STK40: variants seen among roughly 807,000 people sequenced by gnomAD.
STK40 encodes the protein serine/threonine kinase 40, also known as serine/threonine-protein kinase 40.
A neutral mutation model predicts 47.9 loss-of-function variants in STK40; 13 were observed. The ratio of observed to expected loss-of-function variants is 0.27; its 90% confidence interval spans 0.18 to 0.43. The LOEUF (loss-of-function observed/expected upper bound fraction) is 0.43. Ranked by LOEUF, STK40 falls within the 20% of genes least tolerant of loss-of-function variation. The pLI is 1.00. For synonymous variants in STK40, 225 were observed against 243.2 expected, an observed-to-expected ratio of 0.93 and a Z score of 0.69; for missense variants, 460 against 595.1, an observed-to-expected ratio of 0.77 and a Z score of 2.36.
rs1327647824 is a variant in STK40 at position 36,358,655 on chromosome 1, G to C, written c.198+82C>G. ...CGCTACTCTTGTTCACAATGACGCA[G>C]GTGTGAAGGTGGAGGAGGGAGGAGT... On this transcript the variant is annotated intron_variant, in intron 3 of 10. Transcript: ENST00000373132. 47 of 1,439,936 alleles carry C rather than the reference G, an allele frequency of 3.3e-5. 1 individual carries two copies. Among genetic ancestry groups the C allele is most frequent in the Non-Finnish European group, 4.3e-5 (44 of 1,029,022 alleles). The allele number at this position is 1,439,936 out of a possible 1,614,324, so 89.2% of individuals were successfully genotyped here. A position where few individuals can be genotyped will look rare whatever the true frequency, so the allele number is the denominator to read the frequency against.
Position 36,344,134 on chromosome 1 carries a change from C to G in STK40, c.870G>C (p.Glu290Asp). ...QELFRKIKAAEYTIPEDGRVS... is the reference protein window; with the variant it reads ...QELFRKIKAADYTIPEDGRVS... ...GCAGGACTCACTCAGGAATGGTATA[C>G]TCGGCAGCCTTGATCTTGCGGAAGA... The change falls in exon 8 of 11, where the codon GAG becomes GAC. Residue 290 changes from glutamate (E) to aspartate (D), a missense_variant. Glu to Asp is a conservative substitution (Grantham distance 45). Transcript: ENST00000373132. The G allele has an allele frequency of 6.3e-7, 1 of 1,593,270 alleles. No individual in the cohort carries two copies. Among genetic ancestry groups the G allele is most frequent in the African/African-American group, 1.4e-5 (1 of 73,286 alleles).
At chr1:36,380,689 T>C (rs1647032008) in intron 1 of STK40, among the ~76,000 whole-genome samples, 1 of 152,196 alleles carries the variant, frequency 6.6e-6, no homozygotes. Flanking sequence ...CTTAGGGCTA[T>C]TGGAAGGCTG....
At position 36,355,338 on chromosome 1, in the gene STK40, A is replaced by G. The variant is rs145965967; in HGVS notation, c.438T>C (p.Ala146=). The G allele has an allele frequency of 2.5e-3, 4,015 of 1,614,178 alleles. 7 individuals are homozygous for G. Among genetic ancestry groups the G allele is most frequent in the Non-Finnish European group, 2.5e-3 (2,941 of 1,180,028 alleles). The change falls in exon 5 of 11, where the codon GCT becomes GCC. Residue 146 remains alanine, a synonymous_variant. Coordinates refer to ENST00000373132, the MANE Select transcript of STK40 (RefSeq NM_001282547.2). ...RICLVLDCLC[A]HDFSDKTADL... ...CAGCGGTCTTATCGCTGAAGTCATG[A>G]GCACAGAGGCAGTCCAGGACGAGGC...
At chr1:36,384,384 T>A (rs1392597347) in intron 1 of STK40, among the ~76,000 whole-genome samples, 1 of 152,270 alleles carries the variant, frequency 6.6e-6, no homozygotes, top group Non-Finnish European at 1.5e-5. Flanking sequence ...TCAATTTCCC[T>A]TAATTAGACT....
chr1:36,351,014 G>A (rs1646747471), intron 6 of STK40, among the ~76,000 whole-genome samples: 1 of 152,236 alleles, frequency 6.6e-6, no homozygotes, highest in African/African-American at 2.4e-5. Flanking sequence ...GGTCCTGACA[G>A]GAGGGGGCAA....
chr1:36,367,241 G>C (rs1447431962), intron 1 of STK40, among the ~76,000 whole-genome samples: 1 of 152,110 alleles, frequency 6.6e-6, no homozygotes, highest in East Asian at 1.9e-4. Context: ...GAGGGTGAGG[G>C]GAGGAGGCCA....
intron 1 of STK40, among the ~76,000 whole-genome samples, chr1:36,381,454 G>T (rs1647038482): frequency 6.6e-6 from 1 of 152,064 alleles, no homozygotes. Flanking sequence ...TAGACCCCCA[G>T]AAAACTCTAT....
chr1:36,379,260 A>G (rs970172893), intron 1 of STK40, among the ~76,000 whole-genome samples: 1 of 151,958 alleles, frequency 6.6e-6, no homozygotes, highest in Non-Finnish European at 1.5e-5. Context: ...CAGTTTTTCT[A>G]CCTCTGGTGC....
intron 6 of STK40, among the ~76,000 whole-genome samples, chr1:36,354,132 A>G (rs1389401882): frequency 1.3e-5 from 2 of 152,156 alleles, no homozygotes; most frequent in African/African-American, 4.8e-5. Flanking sequence ...ATAAATGGAC[A>G]AGGGAGATCT....
rs572595834 is a variant in STK40, at chr1:36,361,571, G to A, written c.-8-231C>T. Among the ~76,000 whole-genome samples the A allele has an allele frequency of 2.2e-4, 33 of 152,292 alleles. No individual in the cohort carries two copies. The South Asian group carries it at 6.4e-3, about 30-fold the overall frequency. On this transcript the variant is annotated intron_variant, in intron 1 of 10. Transcript: ENST00000373132. ...GACATCCTTTAAGGCAGCATATACA[G>A]GGTACAGAGGCGGGGAGCCAACACA...
At chr1:36,347,969 G>A (rs1434678019) in intron 7 of STK40, among the ~76,000 whole-genome samples, 1 of 152,170 alleles carries the variant, frequency 6.6e-6, no homozygotes, top group South Asian at 2.1e-4. Flanking sequence ...TATTTGTTTC[G>A]TGTATTATCT....
intron 2 of STK40, 86 bp downstream of exon 2, chr1:36,361,135 G>A: frequency 6.6e-7 from 1 of 1,525,618 alleles, no homozygotes; most frequent in Non-Finnish European, 9.0e-7. Context: ...ACCTCACTCT[G>A]ATGTCTGTAG....
rs746089027 is a variant in STK40 at position 36,377,532 on chromosome 1, C to CAAAAA, written c.-9+8186_-9+8190dup. On this transcript the variant is annotated intron_variant, in intron 1 of 10. Transcript: ENST00000373132. ...TGGGCAACAGAGTGAGACTCCGTCT[C>CAAAAA]AAAAAAAAAAAAAAAAAAAAAAAAA... Among the ~76,000 whole-genome samples the CAAAAA allele has an allele frequency of 5.1e-3, 180 of 35,468 alleles. 8 individuals are homozygous for CAAAAA. Among genetic ancestry groups the CAAAAA allele is most frequent in the African/African-American group, 0.014 (172 of 12,338 alleles). The allele number at this position is 35,468 out of a possible 152,430, so 23.3% of individuals were successfully genotyped here. A position where few individuals can be genotyped will look rare whatever the true frequency, so the allele number is the denominator to read the frequency against.
chr1:36,383,822 G>C (rs532405080), intron 1 of STK40, among the ~76,000 whole-genome samples: 1 of 152,010 alleles, frequency 6.6e-6, no homozygotes, highest in East Asian at 1.9e-4. Flanking sequence ...GAGTTTATTT[G>C]TCTATCTCGC....
At chr1:36,355,940 CTT>C (rs1213105272) in intron 4 of STK40, among the ~76,000 whole-genome samples, 3 of 152,130 alleles carry the variant, frequency 2.0e-5, no homozygotes, top group African/African-American at 7.2e-5. Context: ...CTGCTTTCCT[CTT>C]TTCTCAGAAA....
intron 2 of STK40, 86 bp downstream of exon 2, chr1:36,361,135 G>T: frequency 6.6e-7 from 1 of 1,525,618 alleles, no homozygotes. Context: ...ACCTCACTCT[G>T]ATGTCTGTAG....
intron 6 of STK40, among the ~76,000 whole-genome samples, chr1:36,349,488 C>G (rs999741679): frequency 1.3e-5 from 2 of 152,222 alleles, no homozygotes; most frequent in Non-Finnish European, 2.9e-5. Context: ...ACCAGGTCTG[C>G]AGGGCCCCAG....
intron 1 of STK40, among the ~76,000 whole-genome samples, chr1:36,382,647 C>G (rs1647050154): frequency 6.6e-6 from 1 of 152,180 alleles, no homozygotes; most frequent in African/African-American, 2.4e-5. Flanking sequence ...ACTCTGTGAT[C>G]TTGTGATCCC....
chr1:36,355,305 G>A lies in STK40; in HGVS notation c.471C>T (p.Ile157=), dbSNP rs1646793200. 6.2e-7 allele frequency: 1 copy of A among 1,614,038 alleles called. No individual in the cohort carries two copies. Among genetic ancestry groups the A allele is most frequent in the African/African-American group, 1.3e-5 (1 of 74,940 alleles). The part of the protein sequence containing the change: ...HDFSDKTADL[I]NLQHYVIKEK... Reference sequence around the variant, plus strand: ...CCTTGATGACGTAGTGCTGCAGGTTGATGAGGTCAGCGGTCTTATCGCTGA... The same window carrying A: ...CCTTGATGACGTAGTGCTGCAGGTTAATGAGGTCAGCGGTCTTATCGCTGA... Residue 157 remains isoleucine, a synonymous_variant, in exon 5 of 11, where the codon ATC becomes ATT. Transcript: ENST00000373132.
Sources: gnomAD v4.1 joint callset for allele counts (sites outside exome capture counted in the v4.1 genomes callset) on GRCh38, gnomAD v4.1.1 for gene constraint, MANE v1.5 for transcripts, NCBI Gene and HGNC (gene_info 2026-07-23, HGNC 2026-07-21) for gene names.